Variants in ZNF230 observed in about 807,000 individuals in gnomAD.
The protein encoded by ZNF230 is zinc finger protein 230, also known as zinc finger protein FDZF2.
Under a neutral mutation model 10.0 loss-of-function variants are expected in ZNF230, and 12 were observed. That is an observed-to-expected ratio of 1.20 (90% confidence interval 0.77 to 1.95). The LOEUF (loss-of-function observed/expected upper bound fraction) is 1.95. Among genes scored for constraint, ZNF230 ranks in the 30% most tolerant of loss-of-function variants. ZNF230 has a pLI of 0.00. For synonymous variants in ZNF230, 174 were observed against 193.6 expected (o/e 0.90, Z 0.84); for missense variants, 532 against 565.8 (o/e 0.94, Z 0.61).
chr19:44,010,385 T>G lies in ZNF230; in HGVS notation c.346T>G (p.Phe116Val), dbSNP rs747154077. The change falls in exon 5 of 5, where the codon TTC becomes GTC. Residue 116 changes from phenylalanine (F) to valine (V), a missense_variant. By Grantham distance (50) the Phe-to-Val change is conservative. Transcript: ENST00000429154. ...SQDSIINNSH[F>V]FEQGDVPSQV... ...AGACTCCATCATAAATAATTCTCAC[T>G]TCTTTGAACAAGGTGATGTCCCCTC... 1.2e-6 allele frequency: 2 copies of G among 1,614,232 alleles called. No homozygotes were observed. Among genetic ancestry groups the G allele is most frequent in the Middle Eastern group, 1.6e-4 (1 of 6,062 alleles).
chr19:44,012,930 T>C lies in ZNF230; in HGVS notation c.*1466T>C, dbSNP rs889208554. On this transcript the variant is annotated 3_prime_UTR_variant, in exon 5 of 5. Coordinates refer to ENST00000429154, the MANE Select transcript of ZNF230 (RefSeq NM_006300.4). Reference sequence around the variant, plus strand: ...ACTAGTGGCTTTGTCTAATGCTCCATTGGTTGCATACAATATAAATTCAAC... The same window carrying C: ...ACTAGTGGCTTTGTCTAATGCTCCACTGGTTGCATACAATATAAATTCAAC... 6.4e-6 allele frequency: 1 copy of C among 156,128 alleles called. No homozygotes were observed. Among genetic ancestry groups the C allele is most frequent in the East Asian group, 1.9e-4 (1 of 5,276 alleles). 9.7% of individuals were successfully genotyped at this position (156,128 alleles called of 1,614,324 possible).
chr19:44,007,036 C>T lies in ZNF230; in HGVS notation c.-43C>T, dbSNP rs375402748. On this transcript the variant is annotated 5_prime_UTR_variant, in exon 2 of 5. Coordinates refer to ENST00000429154, the MANE Select transcript of ZNF230 (RefSeq NM_006300.4). ...GCACAATTCCACCTTCCTTTGTGCTCCATTACTCAAGACACTGAAGACTCC... is the reference window on the plus strand; with the variant it reads ...GCACAATTCCACCTTCCTTTGTGCTTCATTACTCAAGACACTGAAGACTCC... 1.9e-6 allele frequency: 3 copies of T among 1,556,696 alleles called. No homozygotes were observed. Among genetic ancestry groups the T allele is most frequent in the African/African-American group, 2.7e-5 (2 of 73,744 alleles).
chr19:44,006,493 A>C (rs182799286), intron 1 of ZNF230, among the ~76,000 whole-genome samples: 1 of 152,228 alleles, frequency 6.6e-6, no homozygotes. Flanking sequence ...TATATTTTAC[A>C]TAAAGCATTC....
At chr19:44,007,413 A>G (rs1976133328) in intron 2 of ZNF230, among the ~76,000 whole-genome samples, 1 of 152,124 alleles carries the variant, frequency 6.6e-6, no homozygotes, top group East Asian at 1.9e-4. Flanking sequence ...CTGTATTTGT[A>G]TTGATGATGG....
Position 44,013,002 on chromosome 19 carries a change from A to T in ZNF230, c.*1538A>T, listed in dbSNP as rs1976203691. ...CACTACAGGCTGAAAATGGTTTGTT[A>T]ACTTGTCAATAACAGTCCACTGCAT... On this transcript the variant is annotated 3_prime_UTR_variant, in exon 5 of 5. Transcript: ENST00000429154. The T allele has an allele frequency of 6.5e-6, 1 of 152,786 alleles. No homozygotes were observed. The highest frequency in any genetic ancestry group is 2.1e-4 in the South Asian group (1 of 4,858). 9.5% of individuals were successfully genotyped at this position (152,786 alleles called of 1,614,324 possible). A position where few individuals can be genotyped will look rare whatever the true frequency, so the allele number is the denominator to read the frequency against.
chr19:44,005,550 G>C (rs1233546586), intron 1 of ZNF230, among the ~76,000 whole-genome samples: 1 of 152,158 alleles, frequency 6.6e-6, no homozygotes, highest in East Asian at 1.9e-4. Flanking sequence ...CTAACATCCT[G>C]TTATCTAATC....
In ZNF230 at chr19:44,007,043, T is replaced by C. The variant is rs201599128; in HGVS notation, c.-36T>C. The C allele has an allele frequency of 3.8e-6, 6 of 1,578,292 alleles. No homozygotes were observed. Among genetic ancestry groups the C allele is most frequent in the Admixed American group, 3.4e-5 (2 of 59,392 alleles). On this transcript the variant is annotated 5_prime_UTR_variant, in exon 2 of 5. Transcript: ENST00000429154. ...TCCACCTTCCTTTGTGCTCCATTAC[T>C]CAAGACACTGAAGACTCCAAAAAGT...
rs547398786 is a variant in ZNF230 at position 44,011,954 on chromosome 19, C to A, written c.*490C>A. On this transcript the variant is annotated 3_prime_UTR_variant, in exon 5 of 5. Transcript: ENST00000429154. ...AGAGTATTCTATTGTGTATATATGC[C>A]ACCTTTTCTTCATTTATCTATTGAT... The A allele has an allele frequency of 6.6e-5, 12 of 181,952 alleles. No homozygotes were observed. Among genetic ancestry groups the A allele is most frequent in the Admixed American group, 2.8e-4 (5 of 17,888 alleles). 11.3% of individuals were successfully genotyped at this position (181,952 alleles called of 1,614,324 possible).
chr19:44,003,361 A>G (rs1365246245), intron 1 of ZNF230: 3 of 152,236 alleles, frequency 2.0e-5, no homozygotes, highest in African/African-American at 7.2e-5. Context: ...TGGGGACATT[A>G]GAACCATCCT....
At chr19:44,005,048 G>A (rs1043630204) in intron 1 of ZNF230, among the ~76,000 whole-genome samples, 8 of 151,770 alleles carry the variant, frequency 5.3e-5, no homozygotes, top group Non-Finnish European at 8.8e-5. Flanking sequence ...GCGTGAGCCC[G>A]GGAGGCGGAG....
At chr19:44,005,625 A>C (rs1189730857) in intron 1 of ZNF230, among the ~76,000 whole-genome samples, 2 of 152,178 alleles carry the variant, frequency 1.3e-5, no homozygotes, top group Non-Finnish European at 2.9e-5. Flanking sequence ...ACAGTGGCTC[A>C]TGCCTGTAAT....
intron 1 of ZNF230, among the ~76,000 whole-genome samples, chr19:44,005,731 A>C (rs1057288369): frequency 6.6e-6 from 1 of 152,092 alleles, no homozygotes; most frequent in Non-Finnish European, 1.5e-5. Flanking sequence ...TCTACTAAAA[A>C]TATTTTTAAA....
Position 44,013,829 on chromosome 19 carries a change from C to A in ZNF230, c.*2365C>A, listed in dbSNP as rs1976213835. 1 of 152,162 alleles carries A rather than the reference C, an allele frequency of 6.6e-6. No individual in the cohort carries two copies. The highest frequency in any genetic ancestry group is 1.5e-5 in the Non-Finnish European group (1 of 68,030). The allele number at this position is 152,162 out of a possible 1,614,324, so 9.4% of individuals were successfully genotyped here. ...TCAGTGAACATCAGTTTTATCAAAG[C>A]AGTAAATTTAGTGCAATAAATTTGC... is the stretch of plus-strand genomic sequence containing the variant. On this transcript the variant is annotated 3_prime_UTR_variant, in exon 5 of 5. Coordinates refer to ENST00000429154, the MANE Select transcript of ZNF230 (RefSeq NM_006300.4).
At position 44,012,705 on chromosome 19, in the gene ZNF230, A is replaced by C. The variant is rs1976199238; in HGVS notation, c.*1241A>C. On this transcript the variant is annotated 3_prime_UTR_variant, in exon 5 of 5. Coordinates refer to ENST00000429154, the MANE Select transcript of ZNF230 (RefSeq NM_006300.4). ...ACTGATTAGCACTTACATGTTTAGT[A>C]TGTGTTAAATGACTCAAAAGGAGAA... The C allele has an allele frequency of 2.7e-5, 6 of 223,696 alleles. No homozygotes were observed. In the South Asian group the frequency reaches 3.1e-4, roughly 11 times the overall value. The allele number at this position is 223,696 out of a possible 1,614,324, so 13.9% of individuals were successfully genotyped here. A position where few individuals can be genotyped will look rare whatever the true frequency, so the allele number is the denominator to read the frequency against.
In ZNF230 at chr19:44,011,931, A is replaced by G. The variant is rs1366240134; in HGVS notation, c.*467A>G. 5.4e-6 allele frequency: 1 copy of G among 183,694 alleles called. No homozygotes were observed. Among genetic ancestry groups the G allele is most frequent in the Non-Finnish European group, 1.1e-5 (1 of 87,298 alleles). 11.4% of individuals were successfully genotyped at this position (183,694 alleles called of 1,614,324 possible). A position where few individuals can be genotyped will look rare whatever the true frequency, so the allele number is the denominator to read the frequency against. On this transcript the variant is annotated 3_prime_UTR_variant, in exon 5 of 5. Transcript: ENST00000429154. The stretch of plus-strand genomic sequence containing the variant: ...TTTTGTTTTCTTTTTATGCCCAAAG[A>G]GTATTCTATTGTGTATATATGCCAC...
At chr19:44,004,074 A>G (rs1424008099) in intron 1 of ZNF230, 1 of 152,248 alleles carries the variant, frequency 6.6e-6, no homozygotes, top group Non-Finnish European at 1.5e-5. Flanking sequence ...TCGTAGGGAA[A>G]GCAAGTTAGG....
intron 1 of ZNF230, among the ~76,000 whole-genome samples, chr19:44,006,031 G>A (rs549811387): frequency 2.0e-5 from 3 of 148,192 alleles, no homozygotes; most frequent in East Asian, 1.9e-4. Context: ...CACAGTCTTT[G>A]TCTTTTATAA....
Position 44,011,750 on chromosome 19 carries a change from G to C in ZNF230, c.*286G>C, listed in dbSNP as rs1976187262. ...TCTCACCTAACCCCTACACTTCCCT[G>C]CTTCTAGAACCACTGTTTTACTCAC... On this transcript the variant is annotated 3_prime_UTR_variant, in exon 5 of 5. Transcript: ENST00000429154. 3.4e-6 allele frequency: 1 copy of C among 296,884 alleles called. No homozygotes were observed. Among genetic ancestry groups the C allele is most frequent in the Non-Finnish European group, 6.4e-6 (1 of 157,082 alleles). The allele number at this position is 296,884 out of a possible 1,614,324, so 18.4% of individuals were successfully genotyped here. A position where few individuals can be genotyped will look rare whatever the true frequency, so the allele number is the denominator to read the frequency against.
intron 1 of ZNF230, chr19:44,004,283 G>T (rs1976098992): frequency 1.3e-5 from 2 of 152,204 alleles, no homozygotes; most frequent in Non-Finnish European, 2.9e-5. Flanking sequence ...AGATGTAAAG[G>T]TAGTAACTGT....
Sources: allele counts gnomAD v4.1 joint callset (sites outside exome capture counted in the v4.1 genomes callset), GRCh38; gene constraint gnomAD v4.1.1; transcripts MANE v1.5; gene names NCBI Gene and HGNC (gene_info 2026-07-23, HGNC 2026-07-21).